The following DCDC1 variants were observed in gnomAD, a reference collection of about 807,000 sequenced individuals.
DCDC1 encodes the protein doublecortin domain containing 1.
In DCDC1, 200 loss-of-function variants were observed where a neutral mutation model predicts 178.3. The ratio of observed to expected loss-of-function variants is 1.12; its 90% CI spans 1.00 to 1.26. DCDC1 has a LOEUF of 1.26. DCDC1 is among the 50% of genes most tolerant of loss of function. DCDC1 has a pLI of 0.00. For missense variants in DCDC1, 1,983 were observed against 1,749.2 expected (o/e 1.13, Z -2.38); for synonymous variants, 690 against 604.8 (o/e 1.14, Z -2.07).
intron 20 of DCDC1, chr11:30,992,418 C>T (rs958072027): frequency 6.6e-6 from 1 of 152,182 alleles, no homozygotes; most frequent in African/African-American, 2.4e-5. Flanking sequence ...TTATTTAAAC[C>T]CAGACCCAGT....
At chr11:31,148,076 T>G (rs2136075288) in intron 9 of DCDC1, among the ~76,000 whole-genome samples, 1 of 151,868 alleles carries the variant, frequency 6.6e-6, no homozygotes, top group South Asian at 2.1e-4. Flanking sequence ...GCAAGCTGAG[T>G]TCAGGTTAGG....
At chr11:31,291,072 G>C (rs1157496722) in intron 6 of DCDC1, among the ~76,000 whole-genome samples, 1 of 151,954 alleles carries the variant, frequency 6.6e-6, no homozygotes, top group Non-Finnish European at 1.5e-5. Context: ...TTTCTGAAGG[G>C]AACAGATGTT....
chr11:30,906,989 C>T lies in DCDC1; in HGVS notation c.3919-264G>A, dbSNP rs568698084. ...CAGCTTCTTGGAGAAATGGCCAGCT[C>T]CAGATTTGAGGCAAGAAATATACAA... is the stretch of plus-strand genomic sequence containing the variant. On this transcript the variant is annotated intron_variant, in intron 29 of 38. Transcript: ENST00000684477. 5.3e-5 allele frequency among the ~76,000 whole-genome samples: 8 copies of T among 152,158 alleles called. No individual in the cohort carries two copies. In the East Asian group the frequency reaches 1.5e-3, roughly 29 times the overall value.
At chr11:31,040,177 T>C (rs747614425) in intron 20 of DCDC1, among the ~76,000 whole-genome samples, 6 of 152,066 alleles carry the variant, frequency 3.9e-5, no homozygotes, top group Non-Finnish European at 7.4e-5. Context: ...CAACAGAGCC[T>C]ATGTCTTGAG....
intron 8 of DCDC1, among the ~76,000 whole-genome samples, chr11:31,245,814 C>T (rs561312083): frequency 6.6e-6 from 1 of 151,920 alleles, no homozygotes; most frequent in South Asian, 2.1e-4. Context: ...CTTCTAAGAA[C>T]CCCAAAAATG....
chr11:31,346,337 G>A (rs551669849), intron 1 of DCDC1, among the ~76,000 whole-genome samples: 1 of 151,856 alleles, frequency 6.6e-6, no homozygotes, highest in Non-Finnish European at 1.5e-5. Context: ...GGTGGCACAC[G>A]CCTGTAATCC....
intron 7 of DCDC1, among the ~76,000 whole-genome samples, chr11:31,282,182 AATGAGATC>A (rs1946491482): frequency 6.6e-6 from 1 of 152,124 alleles, no homozygotes; most frequent in African/African-American, 2.4e-5. Context: ...AAAATTCAAC[AATGAGATC>A]ATTTGGTCTT....
intron 9 of DCDC1, among the ~76,000 whole-genome samples, chr11:31,145,177 A>G (rs1409174915): frequency 6.6e-6 from 1 of 152,184 alleles, no homozygotes; most frequent in African/African-American, 2.4e-5. Context: ...GTGGAAATTC[A>G]GATTTTTTTT....
intron 36 of DCDC1, among the ~76,000 whole-genome samples, chr11:30,888,618 G>T (rs1185966731): frequency 6.6e-6 from 1 of 152,156 alleles, no homozygotes; most frequent in African/African-American, 2.4e-5. Flanking sequence ...TCAGAAGGCT[G>T]AGGCAGGAGA....
At chr11:30,881,366 T>C in intron 36 of DCDC1, 58 bp from the exon 37 acceptor site, 11 of 1,570,582 alleles carry the variant, frequency 7.0e-6, no homozygotes, top group East Asian at 2.3e-5. Context: ...TGATCATGTA[T>C]CAAAGAACCA....
chr11:30,968,711 T>TATATATATATATATA (rs1949594817), intron 20 of DCDC1, among the ~76,000 whole-genome samples: 4 of 61,042 alleles, frequency 6.6e-5, no homozygotes, highest in Non-Finnish European at 9.4e-5. Flanking sequence ...ATATATCAAA[T>TATATATATATATATA]TATATATATA....
chr11:31,075,763 G>A (rs1408192004), intron 18 of DCDC1, among the ~76,000 whole-genome samples: 1 of 152,202 alleles, frequency 6.6e-6, no homozygotes, highest in Non-Finnish European at 1.5e-5. Flanking sequence ...CTGCTGCTGA[G>A]TTCCTTGTAA....
At chr11:30,868,390 A>G (rs776260310) in intron 38 of DCDC1, among the ~76,000 whole-genome samples, 37 of 151,514 alleles carry the variant, frequency 2.4e-4, no homozygotes, top group Non-Finnish European at 5.0e-4. Flanking sequence ...AGCTGGGATT[A>G]CAAGTGCCCA....
At chr11:31,132,433 A>G (rs1478721615) in intron 10 of DCDC1, among the ~76,000 whole-genome samples, 1 of 152,002 alleles carries the variant, frequency 6.6e-6, no homozygotes, top group African/African-American at 2.4e-5. Context: ...ACATAATATG[A>G]TTTTTTTTCC....
chr11:31,015,036 T>C (rs1316472998), intron 20 of DCDC1, among the ~76,000 whole-genome samples: 3 of 151,142 alleles, frequency 2.0e-5, no homozygotes, highest in Non-Finnish European at 2.9e-5. Context: ...CAGCTCCGCC[T>C]CCCAGTTTCA....
intron 20 of DCDC1, among the ~76,000 whole-genome samples, chr11:30,960,494 A>T (rs1949031713): frequency 6.6e-6 from 1 of 152,170 alleles, no homozygotes; most frequent in South Asian, 2.1e-4. Context: ...TAGCTGGCCC[A>T]GCTATAATGA....
At position 30,900,351 on chromosome 11, in the gene DCDC1, G is replaced by T; in HGVS notation, c.4658C>A (p.Pro1553Gln). ...AGCAAAAACAAAAAAGTTACCATTTGGAGGTAGAAATGGTTCACCACAAGA... is the reference window on the plus strand; with the variant it reads ...AGCAAAAACAAAAAAGTTACCATTTTGAGGTAGAAATGGTTCACCACAAGA... ...WVSCGEPFLP[P>Q]NALQKAEKLE... The change falls in exon 33 of 39, where the codon CCA (proline) becomes CAA (glutamine). Residue 1553 changes from proline (P) to glutamine (Q), a missense_variant. By Grantham distance (76) the Pro-to-Gln change is moderately conservative. Transcript: ENST00000684477. 6.6e-7 allele frequency: 1 copy of T among 1,520,274 alleles called. No homozygotes were observed. Among genetic ancestry groups the T allele is most frequent in the Non-Finnish European group, 8.8e-7 (1 of 1,134,800 alleles). 94.2% of individuals were successfully genotyped at this position (1,520,274 alleles called of 1,614,324 possible).
chr11:30,882,890 A>G (rs958449416), intron 36 of DCDC1: 1 of 152,158 alleles, frequency 6.6e-6, no homozygotes, highest in African/African-American at 2.4e-5. Context: ...AAAAAATATG[A>G]CTTCTGTGTG....
At chr11:31,266,518 A>G (rs1945174802) in intron 7 of DCDC1, among the ~76,000 whole-genome samples, 1 of 152,208 alleles carries the variant, frequency 6.6e-6, no homozygotes, top group South Asian at 2.1e-4. Context: ...AATATAAAAT[A>G]TATTCCAAAT....
Sources: allele counts gnomAD v4.1 joint callset (sites outside exome capture counted in the v4.1 genomes callset), GRCh38; gene constraint gnomAD v4.1.1; transcripts MANE v1.5; gene names NCBI Gene and HGNC (gene_info 2026-07-23, HGNC 2026-07-21).